The following C19orf44 variants were observed in gnomAD, a reference collection of about 807,000 sequenced individuals.
C19orf44 encodes chromosome 19 open reading frame 44, also known as uncharacterized protein C19orf44.
A neutral mutation model predicts 50.7 loss-of-function variants in C19orf44; 43 were observed. The ratio of observed to expected loss-of-function variants is 0.85; its 90% confidence interval spans 0.66 to 1.09. The LOEUF is 1.09. Ranked by LOEUF, C19orf44 falls within the 50% of genes least tolerant of loss-of-function variation. The pLI, the probability that C19orf44 is intolerant of heterozygous loss-of-function variation, is 0.00. For missense variants in C19orf44, 722 were observed against 836.2 expected (o/e 0.86, Z 1.68); for synonymous variants, 298 against 334.7 (o/e 0.89, Z 1.20).
chr19:16,503,932 C>T (rs1281152193), intron 3 of C19orf44, among the ~76,000 whole-genome samples: 7 of 152,164 alleles, frequency 4.6e-5, no homozygotes, highest in East Asian at 1.9e-4. Context: ...TGGTGGCTCA[C>T]GCCTGCAATC....
intron 6 of C19orf44, among the ~76,000 whole-genome samples, chr19:16,513,556 G>T (rs1221465458): frequency 6.6e-6 from 1 of 151,954 alleles, no homozygotes; most frequent in Non-Finnish European, 1.5e-5. Context: ...GCTAATTTTT[G>T]TATTTTTAGT....
intron 5 of C19orf44, chr19:16,510,273 G>A (rs1279769515): frequency 5.1e-6 from 2 of 395,906 alleles, no homozygotes; most frequent in Non-Finnish European, 9.6e-6. Context: ...TGGCTGTGGT[G>A]GTGTGTTCCT....
chr19:16,514,736 A>T (rs2093467203), intron 7 of C19orf44, 73 bp downstream of exon 7: 1 of 1,425,406 alleles, frequency 7.0e-7, no homozygotes. Context: ...GGCCGAAGGG[A>T]TATGGGCCGG....
At chr19:16,512,344 A>G (rs1599737172) in intron 5 of C19orf44, among the ~76,000 whole-genome samples, 1 of 152,250 alleles carries the variant, frequency 6.6e-6, no homozygotes, top group East Asian at 1.9e-4. Context: ...GAAAGAAAAA[A>G]CAGCAGCCAT....
At chr19:16,505,672 T>C (rs1488509375) in intron 3 of C19orf44, among the ~76,000 whole-genome samples, 1 of 152,184 alleles carries the variant, frequency 6.6e-6, no homozygotes, top group Non-Finnish European at 1.5e-5. Flanking sequence ...TCATTATTAT[T>C]ATCATTATTT....
In C19orf44 at chr19:16,503,084, C is replaced by T; in HGVS notation, c.779C>T (p.Ala260Val). Residue 260 changes from alanine (A) to valine (V), a missense_variant, in exon 3 of 9, where the codon GCA becomes GTA. By Grantham distance (64) the Ala-to-Val change is moderately conservative. Coordinates refer to ENST00000221671, the MANE Select transcript of C19orf44 (RefSeq NM_032207.4). ...KLFSVPSQLR[A>V]FTVPSVELSS... ...TATCAGGTCCCATCTCAACTGAGAG[C>T]ATTTACTGTACCCAGCGTGGAACTC... is the stretch of plus-strand genomic sequence containing the variant. The T allele has an allele frequency of 6.2e-7, 1 of 1,613,524 alleles. No individual in the cohort carries two copies.
At chr19:16,506,169 G>T (rs2093440031) in intron 3 of C19orf44, among the ~76,000 whole-genome samples, 1 of 150,374 alleles carries the variant, frequency 6.7e-6, no homozygotes, top group South Asian at 2.1e-4. Context: ...TAGAGACAGG[G>T]TTTCATTGTG....
Position 16,509,932 on chromosome 19 carries a change from T to TG in C19orf44, c.1584dup (p.Lys529GlufsTer64). 1 of 1,614,202 alleles carries TG rather than the reference T, an allele frequency of 6.2e-7. No homozygotes were observed. On this transcript the variant is annotated frameshift_variant, in exon 5 of 9. Coordinates refer to ENST00000221671, the MANE Select transcript of C19orf44 (RefSeq NM_032207.4). LOFTEE classifies it high-confidence loss of function. ...GGCAGGCACGTGACAAGAGTGCTTG[T>TG]GAAGGACACAGCTGTGCAGACGCCA...
chr19:16,514,316 C>A (rs995019153), intron 6 of C19orf44, among the ~76,000 whole-genome samples, 181 bp from the exon 7 acceptor site: 4 of 150,760 alleles, frequency 2.7e-5, no homozygotes, highest in Non-Finnish European at 5.9e-5. Context: ...CCCAGGAGTT[C>A]GAGGCTGCAG....
In C19orf44 at chr19:16,514,638, A is replaced by G; in HGVS notation, c.1877A>G (p.Tyr626Cys). 6 of 1,583,470 alleles carry G rather than the reference A, an allele frequency of 3.8e-6. No homozygotes were observed. Among genetic ancestry groups the G allele is most frequent in the Non-Finnish European group, 5.1e-6 (6 of 1,165,826 alleles). The change falls in exon 7 of 9, where the codon TAC becomes TGC. Residue 626 changes from tyrosine (Y) to cysteine (C), a missense_variant. Coordinates refer to ENST00000221671, the MANE Select transcript of C19orf44 (RefSeq NM_032207.4). ...TCCCTGGACGCGGACTCCTTCCACT[A>G]CCACACCCTGGAGGAAGCCAAAGAG... ...LRSLDADSFHYHTLEEAKEYI... is the reference protein window; with the variant it reads ...LRSLDADSFHCHTLEEAKEYI...
chr19:16,502,999 C>CA, intron 2 of C19orf44, 66 bp from the exon 3 acceptor site: 2 of 1,366,844 alleles, frequency 1.5e-6, no homozygotes, highest in Admixed American at 2.3e-5. Context: ...AAAAAAAAAA[C>CA]AAAAAACAAA....
chr19:16,514,370 C>A, intron 6 of C19orf44, 127 bp from the exon 7 acceptor site: 2 of 1,000,966 alleles, frequency 2.0e-6, no homozygotes, highest in Non-Finnish European at 2.8e-6. Flanking sequence ...GGTGGCAGAG[C>A]GAGACCCTGT....
Position 16,519,436 on chromosome 19 carries a change from G to A in C19orf44, c.*41-658G>A. ...GGGGGGCTGAATGTCCAGACAGGCA[G>A]TGTAGACATGGGAAATGGGTAGAGA... is the stretch of plus-strand genomic sequence containing the variant. On this transcript the variant is annotated intron_variant, in intron 8 of 8. Transcript: ENST00000221671. The surrounding 1 kb of genome is among the most constrained non-coding windows in gnomAD (Gnocchi z 6.0). 2.1e-6 allele frequency: 3 copies of A among 1,434,478 alleles called. No homozygotes were observed. The highest frequency in any genetic ancestry group is 2.9e-6 in the Non-Finnish European group (3 of 1,044,038). 88.9% of individuals were successfully genotyped at this position (1,434,478 alleles called of 1,614,324 possible).
Position 16,503,274 on chromosome 19 carries a change from A to G in C19orf44, c.969A>G (p.Ser323=). ...SVSITGAFSN[S]VSLKMGHVKL... ...CCATCACAGGCGCCTTTTCAAACTCAGTGTCTTTAAAGATGGGGCATGTCA... is the reference window on the plus strand; with the variant it reads ...CCATCACAGGCGCCTTTTCAAACTCGGTGTCTTTAAAGATGGGGCATGTCA... Residue 323 remains serine (S), a synonymous_variant, in exon 3 of 9, where the codon TCA becomes TCG. Transcript: ENST00000221671. 1 of 1,613,162 alleles carries G rather than the reference A, an allele frequency of 6.2e-7. No homozygotes were observed. The highest frequency in any genetic ancestry group is 8.5e-7 in the Non-Finnish European group (1 of 1,179,220).
At position 16,500,857 on chromosome 19, in the gene C19orf44, C is replaced by T. The variant is rs146198206; in HGVS notation, c.65C>T (p.Ser22Phe). The T allele has an allele frequency of 1.6e-5, 26 of 1,611,394 alleles. No individual in the cohort carries two copies. The highest frequency in any genetic ancestry group is 7.7e-5 in the South Asian group (7 of 90,522). The change falls in exon 2 of 9, where the codon TCC (serine) becomes TTC (phenylalanine). Residue 22 changes from serine to phenylalanine, a missense_variant. Coordinates refer to ENST00000221671, the MANE Select transcript of C19orf44 (RefSeq NM_032207.4). ...GTTTTTGGTGACTTCAGTGATGTTT[C>T]CTTGGAAGATTCAACAATGGAAGAA... is the stretch of plus-strand genomic sequence containing the variant. ...RDVFGDFSDV[S>F]LEDSTMEEIR...
chr19:16,497,352 C>CTTT (rs71180303), intron 1 of C19orf44, among the ~76,000 whole-genome samples: 98,199 of 126,760 alleles, frequency 0.77, 38,729 homozygotes, highest in South Asian at 0.85. Flanking sequence ...TTTTTCTTTC[C>CTTT]TTTTTTTTTT....
Position 16,514,641 on chromosome 19 carries a change from ACACC to A in C19orf44, c.1882_1885del (p.Thr628TrpfsTer16). 6.3e-7 allele frequency: 1 copy of A among 1,581,484 alleles called. No homozygotes were observed. The highest frequency in any genetic ancestry group is 2.3e-5 in the East Asian group (1 of 43,342). On this transcript the variant is annotated frameshift_variant, in exon 7 of 9. Transcript: ENST00000221671. LOFTEE classifies it high-confidence loss of function. The stretch of plus-strand genomic sequence containing the variant: ...CTGGACGCGGACTCCTTCCACTACC[ACACC>A]CTGGAGGAAGCCAAAGAGGTGAGCG...
At chr19:16,516,023 C>G (rs537506882) in intron 7 of C19orf44, among the ~76,000 whole-genome samples, 15 of 152,264 alleles carry the variant, frequency 9.9e-5, no homozygotes, top group African/African-American at 3.1e-4. Flanking sequence ...GTCTTGAACT[C>G]CCGACCACAG....
At chr19:16,510,081 G>A (rs1298021939) in intron 5 of C19orf44, 93 bp downstream of exon 5, 8 of 1,587,452 alleles carry the variant, frequency 5.0e-6, no homozygotes, top group African/African-American at 4.0e-5. Flanking sequence ...GAGAGCTCAG[G>A]TTCCTGAGAT....
Sources: allele counts gnomAD v4.1 joint callset (sites outside exome capture counted in the v4.1 genomes callset), GRCh38; gene constraint gnomAD v4.1.1; non-coding constraint Gnocchi (gnomAD v3.1); transcripts MANE v1.5; gene names NCBI Gene and HGNC (gene_info 2026-07-23, HGNC 2026-07-21).